Variants in ARFGEF3 observed in about 807,000 individuals in gnomAD.
ARFGEF3 encodes the protein brefeldin A-inhibited guanine nucleotide-exchange protein 3.
A neutral mutation model predicts 221.7 loss-of-function variants in ARFGEF3; 96 were observed. That is an observed-to-expected ratio of 0.43 (90% CI 0.37 to 0.51). ARFGEF3 has a LOEUF of 0.51. Among genes scored for constraint, ARFGEF3 ranks in the 20% least tolerant of loss-of-function variants. The pLI, the probability that ARFGEF3 is intolerant of heterozygous loss-of-function variation, is 0.00. For synonymous variants in ARFGEF3, 1,145 were observed against 1,126.8 expected (o/e 1.02, Z -0.32); for missense variants, 2,410 against 2,789.9 (o/e 0.86, Z 3.07).
chr6:138,318,994 T>G (rs879327128), intron 27 of ARFGEF3, among the ~76,000 whole-genome samples: 1 of 152,156 alleles, frequency 6.6e-6, no homozygotes, highest in Non-Finnish European at 1.5e-5. Flanking sequence ...ATGGAGGTCT[T>G]GCCAGGCTGG....
chr6:138,318,051 C>A lies in ARFGEF3; in HGVS notation c.4474+672C>A, dbSNP rs975926141. The stretch of plus-strand genomic sequence containing the variant: ...TTAAGTATTTTACTAACAATCAGAC[C>A]CTAAATGAAGCCACTTTCTTACTAA... On this transcript the variant is annotated intron_variant, in intron 27 of 33. Transcript: ENST00000251691. Among the ~76,000 whole-genome samples the A allele has an allele frequency of 2.0e-5, 3 of 151,996 alleles. No homozygotes were observed. The East Asian group carries it at 5.8e-4, about 29-fold the overall frequency.
intron 31 of ARFGEF3, among the ~76,000 whole-genome samples, chr6:138,327,282 A>T (rs959642893): frequency 1.3e-5 from 2 of 151,962 alleles, no homozygotes; most frequent in Non-Finnish European, 2.9e-5. Context: ...AAAGGAAAAA[A>T]TTTTTAAAAA....
chr6:138,228,093 A>G (rs936019578), intron 4 of ARFGEF3, among the ~76,000 whole-genome samples: 1 of 152,128 alleles, frequency 6.6e-6, no homozygotes, highest in African/African-American at 2.4e-5. Flanking sequence ...GTCATGAAAC[A>G]AAAGAAAGCT....
chr6:138,288,359 TGG>T (rs1779334103), intron 17 of ARFGEF3, among the ~76,000 whole-genome samples: 1 of 152,072 alleles, frequency 6.6e-6, no homozygotes, highest in Admixed American at 6.5e-5. Flanking sequence ...CACTCTAGCC[TGG>T]GTGACAGAGT....
chr6:138,307,681 A>G (rs1046778553), intron 23 of ARFGEF3, among the ~76,000 whole-genome samples: 3 of 152,206 alleles, frequency 2.0e-5, no homozygotes, highest in Non-Finnish European at 4.4e-5. Flanking sequence ...GTCTAAAGCC[A>G]AAAAGAAAAA....
In ARFGEF3 at chr6:138,334,317, C is replaced by G; in HGVS notation, c.5471C>G (p.Ala1824Gly). Residue 1824 changes from alanine to glycine, a missense_variant, in exon 33 of 34, where the codon GCT (alanine) becomes GGT (glycine). Physicochemically the swap from Ala to Gly is moderately conservative, Grantham distance 60. Transcript: ENST00000251691. The surrounding 1 kb of genome is among the most constrained non-coding windows in gnomAD (Gnocchi z 5.1). ...ATTTATTTCCACGCCCTGGTGTGTGCTGTTCTCACCAATCAAGAAACCATC... is the reference window on the plus strand; with the variant it reads ...ATTTATTTCCACGCCCTGGTGTGTGGTGTTCTCACCAATCAAGAAACCATC... ...FNIYFHALVC[A>G]VLTNQETITA... 6.2e-7 allele frequency: 1 copy of G among 1,613,892 alleles called. No homozygotes were observed. The highest frequency in any genetic ancestry group is 1.1e-5 in the South Asian group (1 of 91,028).
At chr6:138,293,639 A>G (rs1039289125) in intron 19 of ARFGEF3, among the ~76,000 whole-genome samples, 1 of 152,224 alleles carries the variant, frequency 6.6e-6, no homozygotes, top group Non-Finnish European at 1.5e-5. Context: ...GACATCATTT[A>G]TGAAATTGAA....
chr6:138,235,308 T>C (rs1410669387), intron 5 of ARFGEF3, among the ~76,000 whole-genome samples: 1 of 152,236 alleles, frequency 6.6e-6, no homozygotes, highest in Admixed American at 6.5e-5. Context: ...GTGTCCCTTA[T>C]AATCTCCTCA....
At chr6:138,196,974 C>T (rs1291913525) in intron 2 of ARFGEF3, among the ~76,000 whole-genome samples, 1 of 152,054 alleles carries the variant, frequency 6.6e-6, no homozygotes, top group Non-Finnish European at 1.5e-5. Flanking sequence ...GCTGGGATTA[C>T]TGGCAGGCAC....
chr6:138,218,437 G>T, intron 4 of ARFGEF3: 2 of 1,479,412 alleles, frequency 1.4e-6, no homozygotes, highest in Non-Finnish European at 1.8e-6. Flanking sequence ...TAGCATAGAA[G>T]AATAATTTTG....
chr6:138,328,757 C>T (rs528689130), intron 32 of ARFGEF3, among the ~76,000 whole-genome samples: 1 of 152,238 alleles, frequency 6.6e-6, no homozygotes, highest in South Asian at 2.1e-4. Context: ...AATCCCAGAA[C>T]CGCAGGAGGA....
chr6:138,223,719 T>G (rs368133003), intron 4 of ARFGEF3, among the ~76,000 whole-genome samples: 1 of 152,158 alleles, frequency 6.6e-6, no homozygotes, highest in East Asian at 1.9e-4. Context: ...TCTTTTCCCC[T>G]AGGTTTAATT....
Position 138,317,525 on chromosome 6 carries a change from G to T in ARFGEF3, c.4474+146G>T, listed in dbSNP as rs888015486. On this transcript the variant is annotated intron_variant, in intron 27 of 33. Transcript: ENST00000251691. Reference sequence around the variant, plus strand: ...CGTAAGAGGTGCTCAATAAATGTTTGTTGAATGGTAGTGATGCTTAAGGTA... The same window carrying T: ...CGTAAGAGGTGCTCAATAAATGTTTTTTGAATGGTAGTGATGCTTAAGGTA... The T allele has an allele frequency of 4.2e-6, 4 of 960,376 alleles. No individual in the cohort carries two copies. In the African/African-American group the frequency reaches 6.6e-5, roughly 16 times the overall value. The allele number at this position is 960,376 out of a possible 1,614,324, so 59.5% of individuals were successfully genotyped here.
At position 138,324,063 on chromosome 6, in the gene ARFGEF3, G is replaced by A. The variant is rs202084065; in HGVS notation, c.4910G>A (p.Ser1637Asn). 6.2e-7 allele frequency: 1 copy of A among 1,613,936 alleles called. No individual in the cohort carries two copies. Among genetic ancestry groups the A allele is most frequent in the East Asian group, 2.2e-5 (1 of 44,870 alleles). The change falls in exon 31 of 34, where the codon AGC (serine) becomes AAC (asparagine). Residue 1637 changes from serine (S) to asparagine (N), a missense_variant. Ser to Asn is a conservative substitution (Grantham distance 46). Coordinates refer to ENST00000251691, the MANE Select transcript of ARFGEF3 (RefSeq NM_020340.5). ...GCFHSGTESF[S>N]GEGCQVRVAA... ...TTCCACAGCGGCACGGAGAGCTTCA[G>A]CGGGGAAGGCTGCCAGGTGCGAGTG... is the stretch of plus-strand genomic sequence containing the variant.
intron 3 of ARFGEF3, among the ~76,000 whole-genome samples, chr6:138,207,423 CAA>C (rs1463501126): frequency 6.6e-6 from 1 of 151,706 alleles, no homozygotes; most frequent in African/African-American, 2.4e-5. Context: ...TAAGGGATCC[CAA>C]AAAAGAGACG....
intron 14 of ARFGEF3, among the ~76,000 whole-genome samples, chr6:138,280,906 T>C (rs1289339008): frequency 6.7e-6 from 1 of 150,252 alleles, no homozygotes; most frequent in African/African-American, 2.4e-5. Flanking sequence ...CTCCCTTCCC[T>C]TCCCAGCTGT....
At position 138,334,255 on chromosome 6, in the gene ARFGEF3, C is replaced by T. The variant is rs376139163; in HGVS notation, c.5409C>T (p.Ala1803=). 1.9e-5 allele frequency: 30 copies of T among 1,613,442 alleles called. No individual in the cohort carries two copies. In the East Asian group the frequency reaches 5.3e-4, roughly 29 times the overall value. ...LLKKVSGIGG[A]ANLYRQSAMS... ...AGAAAGTGTCTGGCATCGGGGGCGC[C>T]GCCAACCTCTACCGCCAGTCTGCGA... The change falls in exon 33 of 34, where the codon GCC becomes GCT. Residue 1803 remains alanine, a synonymous_variant. Coordinates refer to ENST00000251691, the MANE Select transcript of ARFGEF3 (RefSeq NM_020340.5). The surrounding 1 kb of genome is among the most constrained non-coding windows in gnomAD (Gnocchi z 5.1).
chr6:138,240,494 G>A (rs1429090955), intron 6 of ARFGEF3, among the ~76,000 whole-genome samples: 2 of 152,076 alleles, frequency 1.3e-5, no homozygotes, highest in East Asian at 3.9e-4. Flanking sequence ...CATAAGAATG[G>A]CAAAGGTATG....
intron 29 of ARFGEF3, among the ~76,000 whole-genome samples, chr6:138,321,667 A>G (rs952437370): frequency 1.3e-5 from 2 of 152,250 alleles, no homozygotes; most frequent in African/African-American, 4.8e-5. Flanking sequence ...TATGGAGAAC[A>G]GTTTGGAGGC....
Sources: gnomAD v4.1 joint callset for allele counts (sites outside exome capture counted in the v4.1 genomes callset) on GRCh38, gnomAD v4.1.1 for gene constraint, Gnocchi (gnomAD v3.1) non-coding constraint, MANE v1.5 for transcripts, NCBI Gene and HGNC (gene_info 2026-07-23, HGNC 2026-07-21) for gene names.